ERCC6: variants seen among roughly 807,000 people sequenced by gnomAD.
The protein encoded by ERCC6 is DNA excision repair protein ERCC-6.
ERCC6 carries 116 observed loss-of-function variants against 158.7 expected under a neutral mutation model. The ratio of observed to expected loss-of-function variants is 0.73; its 90% confidence interval spans 0.63 to 0.85. ERCC6 has a LOEUF of 0.85. Ranked by LOEUF, ERCC6 falls within the 40% of genes least tolerant of loss-of-function variation. The probability of loss-of-function intolerance (pLI) is 0.00; values close to 1 mark genes in which losing one functional copy is unlikely to be tolerated. For missense variants in ERCC6, 1,698 were observed against 1,799.4 expected (o/e 0.94, Z 1.02); for synonymous variants, 678 against 659.3 (o/e 1.03, Z -0.43).
intron 11 of ERCC6, among the ~76,000 whole-genome samples, chr10:49,476,677 A>C (rs1850883436): frequency 6.6e-6 from 1 of 152,020 alleles, no homozygotes; most frequent in Non-Finnish European, 1.5e-5. Context: ...CTGACCAGAG[A>C]CCACAACCTC....
rs779302809 is a variant in ERCC6 at position 49,478,417 on chromosome 10, G to A, written c.2223C>T (p.Tyr741=). Reference sequence around the variant, plus strand: ...CATCTGACTTCATTCTCCGCAGTAGGTATGGATTTATGGTATCTCGTAAGA... The same window carrying A: ...CATCTGACTTCATTCTCCGCAGTAGATATGGATTTATGGTATCTCGTAAGA... ...ACVLRDTINP[Y]LLRRMKSDVK... The change falls in exon 11 of 21, where the codon TAC becomes TAT. Residue 741 remains tyrosine (Y), a synonymous_variant. Coordinates refer to ENST00000355832, the MANE Select transcript of ERCC6 (RefSeq NM_000124.4). 42 of 1,614,046 alleles carry A rather than the reference G, an allele frequency of 2.6e-5. No homozygotes were observed. The highest frequency in any genetic ancestry group is 3.4e-5 in the Non-Finnish European group (40 of 1,179,936).
intron 18 of ERCC6, among the ~76,000 whole-genome samples, chr10:49,464,308 G>C (rs113671221): frequency 3.1e-4 from 47 of 152,234 alleles, no homozygotes; most frequent in African/African-American, 1.1e-3. Context: ...GATGATTTAG[G>C]GTATCTGGCG....
intron 8 of ERCC6, among the ~76,000 whole-genome samples, chr10:49,488,885 G>A (rs1381127975): frequency 2.0e-5 from 3 of 152,056 alleles, no homozygotes; most frequent in East Asian, 1.9e-4. Flanking sequence ...CCAGGTTCAC[G>A]CCATTCTCCT....
chr10:49,446,560 G>A, the ERCC6 span, among the ~76,000 whole-genome samples: 1 of 152,138 alleles, frequency 6.6e-6, no homozygotes, highest in Admixed American at 6.5e-5. Context: ...AGGATCACTT[G>A]AGCCAAGAGT....
Position 49,512,445 on chromosome 10 carries a change from A to G in ERCC6, c.1398-6433T>C, listed in dbSNP as rs111409020. Among the ~76,000 whole-genome samples, 380 of 152,274 alleles carry G rather than the reference A, an allele frequency of 2.5e-3. 1 individual carries two copies. The highest frequency in any genetic ancestry group is 8.7e-3 in the African/African-American group (360 of 41,556). ...GTGCCCCCTAGTGTGTTCAAAGGAG[A>G]AATAATTACATTTCTTCCCAATATT... On this transcript the variant is annotated intron_variant, in intron 5 of 20. Coordinates refer to ENST00000355832, the MANE Select transcript of ERCC6 (RefSeq NM_000124.4).
At chr10:49,501,576 G>A (rs1851355415) in intron 6 of ERCC6, 1 of 152,054 alleles carries the variant, frequency 6.6e-6, no homozygotes, top group Non-Finnish European at 1.5e-5. Context: ...AAAATTTTCG[G>A]AGAGTGGAAG....
In ERCC6 at chr10:49,479,731, G is replaced by C. The variant is rs61329670; in HGVS notation, c.2170-1261C>G. On this transcript the variant is annotated intron_variant, in intron 10 of 20. Coordinates refer to ENST00000355832, the MANE Select transcript of ERCC6 (RefSeq NM_000124.4). The stretch of plus-strand genomic sequence containing the variant: ...CGCAGAAGAGCGAGCATGCTGGTTG[G>C]AGGTGCTGGTCAACTAAACCAGGGC... Among the ~76,000 whole-genome samples, 311 of 152,260 alleles carry C rather than the reference G, an allele frequency of 2.0e-3. 2 individuals are homozygous for C. Among genetic ancestry groups the C allele is most frequent in the African/African-American group, 7.3e-3 (303 of 41,544 alleles).
At chr10:49,539,395 C>A (rs1462097679), upstream of ERCC6, 16 of 152,318 alleles carry the variant, frequency 1.1e-4, no homozygotes, top group Admixed American at 1.0e-3. Flanking sequence ...TTGAACCCTG[C>A]AGAGAAAGTC....
chr10:49,498,897 T>C (rs1164664007), intron 7 of ERCC6, among the ~76,000 whole-genome samples: 3 of 152,070 alleles, frequency 2.0e-5, no homozygotes, highest in African/African-American at 7.2e-5. Flanking sequence ...CCAGAAACCA[T>C]TTAAGGAAAG....
intron 8 of ERCC6, among the ~76,000 whole-genome samples, chr10:49,490,860 G>A (rs1293376270): frequency 6.6e-6 from 1 of 152,166 alleles, no homozygotes; most frequent in Non-Finnish European, 1.5e-5. Flanking sequence ...CAGAACAGCT[G>A]GTGGGCACAG....
At chr10:49,526,503 A>G (rs1837344174) in intron 4 of ERCC6, among the ~76,000 whole-genome samples, 1 of 152,098 alleles carries the variant, frequency 6.6e-6, no homozygotes, top group African/African-American at 2.4e-5. Flanking sequence ...TGTATTGCAA[A>G]TATCTTCCCC....
intron 3 of ERCC6, among the ~76,000 whole-genome samples, chr10:49,528,727 T>C (rs1170914541): frequency 1.3e-5 from 2 of 152,204 alleles, no homozygotes; most frequent in Non-Finnish European, 2.9e-5. Context: ...GGGCCGTGAA[T>C]ATTCCCAGCA....
intron 5 of ERCC6, among the ~76,000 whole-genome samples, chr10:49,508,619 T>C (rs935695729): frequency 4.6e-5 from 7 of 152,294 alleles, no homozygotes; most frequent in African/African-American, 1.7e-4. Context: ...GAAGACAAAT[T>C]GCCCCAGTAG....
rs541647093 is a variant in ERCC6 at position 49,455,174 on chromosome 10, C to A, written c.*3641G>T. The stretch of plus-strand genomic sequence containing the variant: ...AAGACTCACAACCAAAACTAAAAAT[C>A]TATAAAACACCTAGGAATAAGCCTA... On this transcript the variant is annotated 3_prime_UTR_variant, in exon 21 of 21. Coordinates refer to ENST00000355832, the MANE Select transcript of ERCC6 (RefSeq NM_000124.4). 6.6e-6 allele frequency among the ~76,000 whole-genome samples: 1 copy of A among 152,158 alleles called. No homozygotes were observed. The highest frequency in any genetic ancestry group is 2.4e-5 in the African/African-American group (1 of 41,526).
At chr10:49,472,513 A>G in intron 15 of ERCC6, 43 bp from the exon 16 acceptor site, 1 of 1,590,746 alleles carries the variant, frequency 6.3e-7, no homozygotes, top group Non-Finnish European at 8.6e-7. Context: ...AATCCTTCCC[A>G]ATGACAAGCA....
intron 8 of ERCC6, among the ~76,000 whole-genome samples, chr10:49,488,972 G>C (rs570982870): frequency 7.2e-5 from 11 of 152,174 alleles, no homozygotes; most frequent in African/African-American, 2.6e-4. Context: ...TTTTAGTAGA[G>C]ACGGGGTTTC....
At position 49,505,909 on chromosome 10, in the gene ERCC6, C is replaced by G; in HGVS notation, c.1501G>C (p.Gly501Arg). 6.2e-7 allele frequency: 1 copy of G among 1,613,376 alleles called. No individual in the cohort carries two copies. The highest frequency in any genetic ancestry group is 8.5e-7 in the Non-Finnish European group (1 of 1,179,558). Reference protein sequence around the residue: ...AEFDEGFKVPGFLFKKLFKYQ... With the variant: ...AEFDEGFKVPRFLFKKLFKYQ... ...TTAAAAAGCTTTTTGAACAGAAAAC[C>G]TGGCACTTTAAAACCTTCGTCAAAT... The change falls in exon 6 of 21, where the codon GGT becomes CGT. Residue 501 changes from glycine (G) to arginine (R), a missense_variant. Gly to Arg is a moderately radical substitution (Grantham distance 125). Coordinates refer to ENST00000355832, the MANE Select transcript of ERCC6 (RefSeq NM_000124.4).
chr10:49,461,723 T>C (rs1656556631), intron 18 of ERCC6, among the ~76,000 whole-genome samples, 167 bp from the exon 19 acceptor site: 1 of 152,100 alleles, frequency 6.6e-6, no homozygotes, highest in Non-Finnish European at 1.5e-5. Flanking sequence ...TCAAGCAACA[T>C]AAAAAATATA....
Position 49,539,060 on chromosome 10 carries a change from C to T in ERCC6, c.-113G>A, listed in dbSNP as rs907174492. 6.6e-6 allele frequency: 1 copy of T among 152,282 alleles called. No individual in the cohort carries two copies. The highest frequency in any genetic ancestry group is 1.5e-5 in the Non-Finnish European group (1 of 68,114). The allele number at this position is 152,282 out of a possible 1,614,324, so 9.4% of individuals were successfully genotyped here. On this transcript the variant is annotated 5_prime_UTR_variant, in exon 1 of 21. Transcript: ENST00000355832. Reference sequence around the variant, plus strand: ...GGCCGTGGCGCCTGCGCCCTCAGCTCAACCATAGACACCGCCCCCAACAGC... The same window carrying T: ...GGCCGTGGCGCCTGCGCCCTCAGCTTAACCATAGACACCGCCCCCAACAGC...
Sources: allele counts gnomAD v4.1 joint callset (sites outside exome capture counted in the v4.1 genomes callset), GRCh38; gene constraint gnomAD v4.1.1; transcripts MANE v1.5; gene names NCBI Gene and HGNC (gene_info 2026-07-23, HGNC 2026-07-21).